ANK2: variants seen among roughly 807,000 people sequenced by gnomAD.
The protein encoded by ANK2 is ankyrin 2.
A neutral mutation model predicts 360.5 loss-of-function variants in ANK2; 83 were observed. That is an observed-to-expected ratio of 0.23 (90% CI 0.19 to 0.28). The LOEUF is 0.28. Among genes scored for constraint, ANK2 ranks in the 10% least tolerant of loss-of-function variants. The pLI is 1.00. For missense variants in ANK2, 4,201 were observed against 4,795.7 expected (o/e 0.88, Z 3.66); for synonymous variants, 1,740 against 1,759.5 (o/e 0.99, Z 0.28).
chr4:112,921,387 T>G (rs1164858848), intron 2 of ANK2, among the ~76,000 whole-genome samples: 1 of 151,668 alleles, frequency 6.6e-6, no homozygotes, highest in Admixed American at 6.6e-5. Context: ...AAGTTTTTTT[T>G]TTTTTTTTTT....
intron 20 of ANK2, among the ~76,000 whole-genome samples, chr4:113,292,159 G>A (rs576256105): frequency 6.6e-6 from 1 of 152,164 alleles, no homozygotes; most frequent in South Asian, 2.1e-4. Flanking sequence ...AATGCTAACT[G>A]GTTAAAATGT....
intron 1 of ANK2, among the ~76,000 whole-genome samples, chr4:113,163,248 T>G (rs1469759759): frequency 1.3e-5 from 2 of 152,122 alleles, no homozygotes; most frequent in African/African-American, 4.8e-5. Flanking sequence ...AATGTCGACT[T>G]ATTAGAATTG....
chr4:113,042,172 T>C (rs2063122540), intron 2 of ANK2, among the ~76,000 whole-genome samples: 1 of 152,190 alleles, frequency 6.6e-6, no homozygotes, highest in Non-Finnish European at 1.5e-5. Flanking sequence ...AGACGAAGGA[T>C]GAATTCTCTG....
intron 2 of ANK2, among the ~76,000 whole-genome samples, chr4:113,004,687 A>T (rs954236167): frequency 6.6e-6 from 1 of 152,234 alleles, no homozygotes; most frequent in South Asian, 2.1e-4. Flanking sequence ...AACCAGTTAC[A>T]TAGTAGTTTA....
chr4:113,282,341 A>G (rs546304914), intron 17 of ANK2, among the ~76,000 whole-genome samples: 1 of 152,334 alleles, frequency 6.6e-6, no homozygotes, highest in South Asian at 2.1e-4. Context: ...TATGAAAATC[A>G]TCCCCAGTAT....
chr4:112,771,584 G>A, the ANK2 span, among the ~76,000 whole-genome samples: 1 of 121,692 alleles, frequency 8.2e-6, no homozygotes, highest in African/African-American at 3.0e-5. Flanking sequence ...GAATAAGCTG[G>A]GGAAACTTTT....
At chr4:112,837,950 T>TG (rs2061343154) in intron 1 of ANK2, among the ~76,000 whole-genome samples, 2 of 152,216 alleles carry the variant, frequency 1.3e-5, no homozygotes, top group Non-Finnish European at 1.5e-5. Context: ...GTTAAGACTT[T>TG]GGGGGACTAT....
At chr4:112,735,505 G>A in the ANK2 span, among the ~76,000 whole-genome samples, 2 of 151,762 alleles carry the variant, frequency 1.3e-5, no homozygotes, top group Non-Finnish European at 1.5e-5. Flanking sequence ...TCATCTTCCT[G>A]TCTCTACCTG....
At chr4:113,066,015 T>C (rs1399627574) in intron 1 of ANK2, among the ~76,000 whole-genome samples, 1 of 152,220 alleles carries the variant, frequency 6.6e-6, no homozygotes, top group African/African-American at 2.4e-5. Context: ...AGACCATCTT[T>C]AATTAGAACT....
the ANK2 span, among the ~76,000 whole-genome samples, chr4:112,807,482 A>AT: frequency 6.6e-6 from 1 of 152,232 alleles, no homozygotes; most frequent in South Asian, 2.1e-4. Flanking sequence ...GAGCTGGAGA[A>AT]TGGCAAAGGT....
chr4:113,252,348 AGCC>A (rs778811081), intron 10 of ANK2, among the ~76,000 whole-genome samples: 1 of 152,144 alleles, frequency 6.6e-6, no homozygotes, highest in Non-Finnish European at 1.5e-5. Context: ...GTGGGGACAC[AGCC>A]AAACCATATT....
chr4:113,303,227 G>C (rs2075791433), intron 23 of ANK2, among the ~76,000 whole-genome samples: 1 of 152,132 alleles, frequency 6.6e-6, no homozygotes, highest in Non-Finnish European at 1.5e-5. Flanking sequence ...AGACTTTAAA[G>C]TATACTCCAT....
the ANK2 span, among the ~76,000 whole-genome samples, chr4:112,805,483 A>C: frequency 5.3e-5 from 8 of 152,102 alleles, no homozygotes; most frequent in African/African-American, 9.7e-5. Flanking sequence ...TGTCGTAAAT[A>C]AGCTAGACAA....
chr4:112,774,898 T>C, the ANK2 span, among the ~76,000 whole-genome samples: 1 of 152,220 alleles, frequency 6.6e-6, no homozygotes, highest in Non-Finnish European at 1.5e-5. Context: ...AGACTGATGC[T>C]TTGAAAAATA....
Position 113,358,983 on chromosome 4 carries a change from G to T in ANK2, c.10365G>T (p.Gly3455=), listed in dbSNP as rs1268180651. The change falls in exon 38 of 46, where the codon GGG becomes GGT. Residue 3455 remains glycine, a synonymous_variant. Transcript: ENST00000357077. ...GAAGCACTACATCTTCCTGCAGGGG[G>T]GGCACGAGCCCCACAAAAGAAAGTA... is the stretch of plus-strand genomic sequence containing the variant. ...KSRSTTSSCR[G]GTSPTKESKE... 2 of 1,614,090 alleles carry T rather than the reference G, an allele frequency of 1.2e-6. No homozygotes were observed. Among genetic ancestry groups the T allele is most frequent in the Admixed American group, 3.3e-5 (2 of 60,010 alleles).
intron 1 of ANK2, among the ~76,000 whole-genome samples, chr4:113,071,232 T>C (rs1050915656): frequency 6.6e-6 from 1 of 152,248 alleles, no homozygotes; most frequent in African/African-American, 2.4e-5. Context: ...CGATGCCTTT[T>C]CAGCCAGGAT....
At chr4:112,837,605 C>T (rs897540455) in intron 1 of ANK2, among the ~76,000 whole-genome samples, 4 of 152,254 alleles carry the variant, frequency 2.6e-5, no homozygotes, top group Non-Finnish European at 4.4e-5. Flanking sequence ...AGGGGCTGTA[C>T]CCTGCAGAGC....
intron 1 of ANK2, chr4:112,827,062 AACTTGATC>A (rs1206022371): frequency 2.4e-6 from 3 of 1,243,358 alleles, no homozygotes; most frequent in Non-Finnish European, 2.4e-6. Flanking sequence ...TGTTGCTGTG[AACTTGATC>A]ACCCATGCAA....
chr4:113,285,981 A>G (rs1344479065), intron 18 of ANK2, among the ~76,000 whole-genome samples: 1 of 152,232 alleles, frequency 6.6e-6, no homozygotes, highest in Non-Finnish European at 1.5e-5. Flanking sequence ...TGATTTGGAT[A>G]TGCAAGTTTA....
Sources: gnomAD v4.1 joint callset for allele counts (sites outside exome capture counted in the v4.1 genomes callset) on GRCh38, gnomAD v4.1.1 for gene constraint, MANE v1.5 for transcripts, NCBI Gene and HGNC (gene_info 2026-07-23, HGNC 2026-07-21) for gene names.